Variants in CORO2B observed in about 807,000 individuals in gnomAD.
The protein encoded by CORO2B is coronin 2B.
A neutral mutation model predicts 58.8 loss-of-function variants in CORO2B; 26 were observed. The ratio of observed to expected loss-of-function variants is 0.44; its 90% CI spans 0.32 to 0.61. The LOEUF (loss-of-function observed/expected upper bound fraction) is 0.61. CORO2B is among the 20% of genes least tolerant of loss of function. The probability of loss-of-function intolerance (pLI) is 0.04; values close to 1 mark genes in which losing one functional copy is unlikely to be tolerated. For missense variants in CORO2B, 460 were observed against 645.1 expected, an observed-to-expected ratio of 0.71 and a Z score of 3.11; for synonymous variants, 242 against 253.8, an observed-to-expected ratio of 0.95 and a Z score of 0.44.
At chr15:68,621,355 A>T (rs1405981421) in intron 1 of CORO2B, among the ~76,000 whole-genome samples, 1 of 152,252 alleles carries the variant, frequency 6.6e-6, no homozygotes, top group Admixed American at 6.5e-5. Context: ...ACCTGGAGCA[A>T]GCACGATGCA....
rs1192260415 is a variant in CORO2B, at chr15:68,691,327, C to CAAAAAA, written c.217-3802_217-3797dup. 3.4e-3 allele frequency among the ~76,000 whole-genome samples: 32 copies of CAAAAAA among 9,540 alleles called. 1 individual carries two copies. The highest frequency in any genetic ancestry group is 7.6e-3 in the Non-Finnish European group (24 of 3,140). 6.3% of individuals were successfully genotyped at this position (9,540 alleles called of 152,430 possible). On this transcript the variant is annotated intron_variant, in intron 2 of 11. Transcript: ENST00000261861. ...CCTGGGAGACAGCGAGACTCCGTCT[C>CAAAAAA]AAAAAAAAAAAAAAAAGGCCGGGCG...
intron 3 of CORO2B, among the ~76,000 whole-genome samples, chr15:68,700,019 A>C (rs914086076): frequency 1.3e-5 from 2 of 152,168 alleles, no homozygotes; most frequent in Non-Finnish European, 2.9e-5. Flanking sequence ...TGGGGCGTAA[A>C]GGAAATGGAG....
intron 2 of CORO2B, among the ~76,000 whole-genome samples, chr15:68,677,124 G>A (rs879649391): frequency 6.6e-6 from 1 of 152,050 alleles, no homozygotes; most frequent in Non-Finnish European, 1.5e-5. Context: ...GCCAGGCCTG[G>A]AGCCCCGGAG....
At chr15:68,579,348 C>G in intron 1 of CORO2B, 71 bp downstream of exon 1, 1 of 1,225,244 alleles carries the variant, frequency 8.2e-7, no homozygotes. Context: ...CTGCGGGGGG[C>G]GCGGGGGTGT....
the CORO2B span, among the ~76,000 whole-genome samples, chr15:68,543,474 G>A: frequency 3.3e-4 from 51 of 152,288 alleles, no homozygotes; most frequent in Admixed American, 5.9e-4. Context: ...CAGAGACAGA[G>A]GATAAGAGCA....
chr15:68,726,112 G>C lies in CORO2B; in HGVS notation c.*138G>C. Reference sequence around the variant, plus strand: ...CCTGAGGACCCCCGCCTACCACCTCGAGAACTGGAAGCCAACCTCTAACCT... The same window carrying C: ...CCTGAGGACCCCCGCCTACCACCTCCAGAACTGGAAGCCAACCTCTAACCT... On this transcript the variant is annotated 3_prime_UTR_variant, in exon 12 of 12. Transcript: ENST00000261861. The C allele has an allele frequency of 8.6e-7, 1 of 1,159,922 alleles. No homozygotes were observed. The highest frequency in any genetic ancestry group is 1.4e-5 in the South Asian group (1 of 71,594). The allele number at this position is 1,159,922 out of a possible 1,614,324, so 71.9% of individuals were successfully genotyped here.
At chr15:68,574,879 GC>G (rs1272355525), upstream of CORO2B, among the ~76,000 whole-genome samples, 2 of 152,184 alleles carry the variant, frequency 1.3e-5, no homozygotes, top group Non-Finnish European at 2.9e-5. Context: ...GAGAAAGAGG[GC>G]TAGGGCCCCA....
the CORO2B span, among the ~76,000 whole-genome samples, chr15:68,527,215 T>C: frequency 5.3e-5 from 8 of 152,236 alleles, no homozygotes; most frequent in Non-Finnish European, 1.0e-4. Context: ...AACCAAGTTA[T>C]GAATTTTTTC....
At chr15:68,641,251 C>T (rs1330789808) in intron 1 of CORO2B, among the ~76,000 whole-genome samples, 2 of 152,236 alleles carry the variant, frequency 1.3e-5, no homozygotes, top group Non-Finnish European at 2.9e-5. Flanking sequence ...TGCCTGCTCA[C>T]CCCGAGCCTG....
chr15:68,700,709 G>A (rs1240246607), intron 3 of CORO2B, among the ~76,000 whole-genome samples: 5 of 152,204 alleles, frequency 3.3e-5, no homozygotes, highest in African/African-American at 1.2e-4. Context: ...AGCTTCTGCC[G>A]CAGCTAGGGA....
intron 1 of CORO2B, among the ~76,000 whole-genome samples, chr15:68,598,331 G>T (rs1259738459): frequency 1.3e-5 from 2 of 152,212 alleles, no homozygotes; most frequent in Non-Finnish European, 1.5e-5. Context: ...ACTGCTGTGT[G>T]TGTGCACGTA....
At chr15:68,537,781 A>G in the CORO2B span, among the ~76,000 whole-genome samples, 2 of 152,236 alleles carry the variant, frequency 1.3e-5, no homozygotes, top group Non-Finnish European at 2.9e-5. Flanking sequence ...CCTTGTTTAC[A>G]TATTGTCTAT....
chr15:68,632,313 T>G, intron 1 of CORO2B: 3 of 985,476 alleles, frequency 3.0e-6, no homozygotes, highest in Non-Finnish European at 3.6e-6. Flanking sequence ...CTCTGAAGCT[T>G]GTCTGGTGTC....
the CORO2B span, among the ~76,000 whole-genome samples, chr15:68,570,513 C>A: frequency 6.6e-6 from 1 of 152,198 alleles, no homozygotes; most frequent in African/African-American, 2.4e-5. Context: ...GGTGCTCTTA[C>A]ACTGAGGCAA....
At chr15:68,669,468 A>T (rs1596002021) in intron 2 of CORO2B, among the ~76,000 whole-genome samples, 1 of 152,086 alleles carries the variant, frequency 6.6e-6, no homozygotes. Context: ...GGTGGGTGGG[A>T]TGTGTTCTCT....
chr15:68,674,100 G>A (rs574654955), intron 2 of CORO2B, among the ~76,000 whole-genome samples: 3 of 152,310 alleles, frequency 2.0e-5, no homozygotes, highest in African/African-American at 7.2e-5. Flanking sequence ...CTGCGTGTGT[G>A]TCTCGGGTCC....
chr15:68,527,371 TTA>T, the CORO2B span, among the ~76,000 whole-genome samples: 1 of 152,198 alleles, frequency 6.6e-6, no homozygotes, highest in African/African-American at 2.4e-5. Context: ...GGGTTCATTT[TTA>T]TGTGAGGTTT....
In CORO2B at chr15:68,685,604, C is replaced by T. The variant is rs113548755; in HGVS notation, c.217-9536C>T. Among the ~76,000 whole-genome samples the T allele has an allele frequency of 1.7e-3, 256 of 152,348 alleles. 3 individuals carry two copies. Among genetic ancestry groups the T allele is most frequent in the African/African-American group, 5.9e-3 (244 of 41,594 alleles). On this transcript the variant is annotated intron_variant, in intron 2 of 11. Coordinates refer to ENST00000261861, the MANE Select transcript of CORO2B (RefSeq NM_006091.5). ...GAATGCACAAGTATTTCAGGTGCTC[C>T]AGGAGGCAGGAGGCCCAGGCCCCAG...
chr15:68,668,461 C>T (rs1049951033), intron 2 of CORO2B, among the ~76,000 whole-genome samples: 6 of 152,158 alleles, frequency 3.9e-5, no homozygotes, highest in African/African-American at 1.2e-4. Context: ...ACAGTGATGC[C>T]GTAGAGACTT....
Sources: allele counts gnomAD v4.1 joint callset (sites outside exome capture counted in the v4.1 genomes callset), GRCh38; gene constraint gnomAD v4.1.1; transcripts MANE v1.5; gene names NCBI Gene and HGNC (gene_info 2026-07-23, HGNC 2026-07-21).